Variants in COL15A1 observed in about 807,000 individuals in gnomAD.
COL15A1 encodes collagen alpha-1(XV) chain.
COL15A1 carries 111 observed loss-of-function variants against 165.9 expected under a neutral mutation model. The ratio of observed to expected loss-of-function variants is 0.67; its 90% CI spans 0.57 to 0.78. The LOEUF (loss-of-function observed/expected upper bound fraction) is 0.78, where lower values mean the gene tolerates loss of function less well. Among genes scored for constraint, COL15A1 ranks in the 30% least tolerant of loss-of-function variants. The pLI, the probability that COL15A1 is intolerant of heterozygous loss-of-function variation, is 0.00. For missense variants in COL15A1, 1,745 were observed against 1,789.7 expected, an observed-to-expected ratio of 0.98 and a Z score of 0.45; for synonymous variants, 659 against 674.8, an observed-to-expected ratio of 0.98 and a Z score of 0.36.
chr9:99,001,622 A>C (rs12342839), intron 7 of COL15A1, among the ~76,000 whole-genome samples: 9,600 of 152,288 alleles, frequency 0.063, 830 homozygotes, highest in African/African-American at 0.2. Flanking sequence ...GGCCTACTGT[A>C]GACTAGGAAA....
chr9:98,948,670 C>T lies in COL15A1; in HGVS notation c.100+4420C>T, dbSNP rs368863585. Among the ~76,000 whole-genome samples the T allele has an allele frequency of 4.2e-4, 63 of 150,976 alleles. 1 individual carries two copies. In the South Asian group the frequency reaches 0.013, roughly 31 times the overall value. On this transcript the variant is annotated intron_variant, in intron 2 of 41. Transcript: ENST00000375001. ...CATGGCCTCTTGTACCTCCAATGGT[C>T]AGGGTTGAGCTGGAGGACAACACCA...
intron 2 of COL15A1, among the ~76,000 whole-genome samples, chr9:98,957,562 C>T (rs572810512): frequency 6.6e-6 from 1 of 152,322 alleles, no homozygotes; most frequent in African/African-American, 2.4e-5. Flanking sequence ...GGCCTCATCT[C>T]CCAGAATATC....
At chr9:99,031,704 TTG>T (rs1839215294) in intron 16 of COL15A1, among the ~76,000 whole-genome samples, 1 of 152,208 alleles carries the variant, frequency 6.6e-6, no homozygotes, top group Non-Finnish European at 1.5e-5. Context: ...CCATGGGACT[TTG>T]TGGAAGTGCC....
chr9:99,005,702 G>A (rs12380469), intron 9 of COL15A1, among the ~76,000 whole-genome samples: 16,257 of 152,212 alleles, frequency 0.11, 1,037 homozygotes, highest in East Asian at 0.25. Flanking sequence ...ATCAAGTCTT[G>A]TTGATTTTTC....
chr9:99,026,629 C>T (rs544483883), intron 16 of COL15A1, among the ~76,000 whole-genome samples: 124 of 152,342 alleles, frequency 8.1e-4, no homozygotes, highest in African/African-American at 2.7e-3. Context: ...GCTCTGGGCA[C>T]GCTCTTCCCT....
chr9:98,945,288 A>G (rs533678331), intron 2 of COL15A1, among the ~76,000 whole-genome samples: 2 of 152,164 alleles, frequency 1.3e-5, no homozygotes, highest in Admixed American at 6.5e-5. Flanking sequence ...TCCCATCGCA[A>G]TGCAGGTATT....
At position 99,056,261 on chromosome 9, in the gene COL15A1, G is replaced by T; in HGVS notation, c.3194G>T (p.Gly1065Val). The T allele has an allele frequency of 1.2e-6, 2 of 1,614,090 alleles. No homozygotes were observed. Among genetic ancestry groups the T allele is most frequent in the South Asian group, 1.1e-5 (1 of 91,082 alleles). Residue 1065 changes from glycine to valine, a missense_variant and splice_region_variant, in exon 35 of 42, where the codon GGC (glycine) becomes GTC (valine). Coordinates refer to ENST00000375001, the MANE Select transcript of COL15A1 (RefSeq NM_001855.5). ...GTTATTGTGTGCTTGCCTTGACAGG[G>T]CCAAAAAGGGGAGACAGTCGTTGGG... Reference protein sequence around the residue: ...PGLPGNPGPAGQKGETVVGPQ... With the variant: ...PGLPGNPGPAVQKGETVVGPQ...
chr9:99,000,951 G>T lies in COL15A1; in HGVS notation c.1065G>T (p.Lys355Asn). The T allele has an allele frequency of 2.2e-6, 3 of 1,369,540 alleles. No homozygotes were observed. Among genetic ancestry groups the T allele is most frequent in the Non-Finnish European group, 3.1e-6 (3 of 956,434 alleles). 84.8% of individuals were successfully genotyped at this position (1,369,540 alleles called of 1,614,324 possible). Reference sequence around the variant, plus strand: ...CCTTCCTTGACATTGCTGAAGAAAAGGTGAGTAGATGGTAAATTTCATTTG... The same window carrying T: ...CCTTCCTTGACATTGCTGAAGAAAATGTGAGTAGATGGTAAATTTCATTTG... ...AGAFLDIAEE[K>N]NLAATAAGLA... The change falls in exon 7 of 42, where the codon AAG (lysine) becomes AAT (asparagine). Residue 355 changes from lysine to asparagine, a missense_variant and splice_region_variant. Coordinates refer to ENST00000375001, the MANE Select transcript of COL15A1 (RefSeq NM_001855.5).
intron 6 of COL15A1, among the ~76,000 whole-genome samples, chr9:98,998,180 A>G (rs1001866433): frequency 2.0e-5 from 3 of 152,218 alleles, no homozygotes; most frequent in Non-Finnish European, 4.4e-5. Flanking sequence ...ATATTCATCA[A>G]AATGTTATAA....
chr9:99,045,741 A>G (rs1263604912), intron 26 of COL15A1, among the ~76,000 whole-genome samples: 1 of 152,246 alleles, frequency 6.6e-6, no homozygotes, highest in African/African-American at 2.4e-5. Context: ...GAGGCCAGCC[A>G]GTCAGGCTTT....
chr9:99,037,253 C>CTTTTT (rs1316349948), intron 21 of COL15A1, among the ~76,000 whole-genome samples: 1 of 152,178 alleles, frequency 6.6e-6, no homozygotes, highest in African/African-American at 2.4e-5. Context: ...CCCTCTGGGG[C>CTTTTT]TTTTTTTCTT....
intron 2 of COL15A1, among the ~76,000 whole-genome samples, chr9:98,967,531 A>T (rs1205426760): frequency 6.6e-6 from 1 of 152,174 alleles, no homozygotes; most frequent in African/African-American, 2.4e-5. Context: ...GCCCTAGGAC[A>T]TTCCTGTTTT....
intron 11 of COL15A1, among the ~76,000 whole-genome samples, chr9:99,018,059 A>G (rs1838967246): frequency 1.3e-5 from 2 of 152,292 alleles, no homozygotes; most frequent in Middle Eastern, 3.4e-3. Context: ...AAATAATTCA[A>G]TGTGTATGGC....
intron 16 of COL15A1, among the ~76,000 whole-genome samples, chr9:99,030,198 C>T (rs570867172): frequency 3.6e-4 from 55 of 152,284 alleles, no homozygotes; most frequent in South Asian, 2.1e-4. Flanking sequence ...TTGTAACAGA[C>T]GGCACTATTT....
chr9:99,026,699 G>T (rs2119023674), intron 16 of COL15A1, among the ~76,000 whole-genome samples: 1 of 152,190 alleles, frequency 6.6e-6, no homozygotes, highest in South Asian at 2.1e-4. Flanking sequence ...TTTTCCTTTT[G>T]TCATCCTCCA....
chr9:99,063,498 G>A (rs1223510016), intron 39 of COL15A1, among the ~76,000 whole-genome samples: 1 of 152,182 alleles, frequency 6.6e-6, no homozygotes, highest in Non-Finnish European at 1.5e-5. Context: ...AGGCAGAAAA[G>A]GGAGACATTT....
chr9:99,011,003 C>A (rs1483142502), intron 9 of COL15A1, among the ~76,000 whole-genome samples: 1 of 151,936 alleles, frequency 6.6e-6, no homozygotes, highest in African/African-American at 2.4e-5. Context: ...AGCATCAGGC[C>A]ACAACATTTA....
intron 30 of COL15A1, 110 bp from the exon 31 acceptor site, chr9:99,052,278 C>T: frequency 1.2e-6 from 1 of 818,412 alleles, no homozygotes; most frequent in East Asian, 2.4e-5. Context: ...GAAGGCCTGA[C>T]TCTGTGGCAT....
intron 9 of COL15A1, among the ~76,000 whole-genome samples, chr9:99,005,689 A>G (rs1396049425): frequency 2.0e-5 from 3 of 152,144 alleles, no homozygotes; most frequent in African/African-American, 4.8e-5. Context: ...TATCCCATCA[A>G]GCATCAAGTC....
Sources: gnomAD v4.1 joint callset for allele counts (sites outside exome capture counted in the v4.1 genomes callset) on GRCh38, gnomAD v4.1.1 for gene constraint, MANE v1.5 for transcripts, NCBI Gene and HGNC (gene_info 2026-07-23, HGNC 2026-07-21) for gene names.